The following MIPOL1 variants were observed in gnomAD, a reference collection of about 807,000 sequenced individuals.
MIPOL1 encodes the protein mirror-image polydactyly gene 1 protein.
A neutral mutation model predicts 60.9 loss-of-function variants in MIPOL1; 57 were observed. The ratio of observed to expected loss-of-function variants is 0.94; its 90% CI spans 0.76 to 1.17. MIPOL1 has a LOEUF of 1.17. Among genes scored for constraint, MIPOL1 ranks in the 50% most tolerant of loss-of-function variants. The probability of loss-of-function intolerance (pLI) is 0.00; values close to 1 mark genes in which losing one functional copy is unlikely to be tolerated. For synonymous variants in MIPOL1, 179 were observed against 168.8 expected, an observed-to-expected ratio of 1.06 and a Z score of -0.47; for missense variants, 551 against 511.6, an observed-to-expected ratio of 1.08 and a Z score of -0.74.
At chr14:37,220,493 A>AG (rs1214440375) in intron 1 of MIPOL1, among the ~76,000 whole-genome samples, 2 of 152,166 alleles carry the variant, frequency 1.3e-5, no homozygotes, top group African/African-American at 4.8e-5. Context: ...CCAGCATGGG[A>AG]GTGCAGATAT....
intron 3 of MIPOL1, among the ~76,000 whole-genome samples, chr14:37,253,689 A>G (rs1974465060): frequency 6.6e-6 from 1 of 151,774 alleles, no homozygotes; most frequent in South Asian, 2.1e-4. Flanking sequence ...TGATTGTAAT[A>G]GTATTTTAGG....
chr14:37,382,173 A>G (rs2092942245), intron 10 of MIPOL1, among the ~76,000 whole-genome samples: 1 of 152,054 alleles, frequency 6.6e-6, no homozygotes, highest in Non-Finnish European at 1.5e-5. Context: ...CAGTAACTGA[A>G]TTCTATGTAA....
At chr14:37,395,203 A>G (rs750366866) in intron 10 of MIPOL1, among the ~76,000 whole-genome samples, 4 of 151,884 alleles carry the variant, frequency 2.6e-5, no homozygotes, top group Non-Finnish European at 5.9e-5. Flanking sequence ...AATACTTCCA[A>G]ATTTGTTCTT....
At chr14:37,261,432 A>G (rs994300084) in intron 3 of MIPOL1, among the ~76,000 whole-genome samples, 3 of 152,102 alleles carry the variant, frequency 2.0e-5, no homozygotes, top group African/African-American at 4.8e-5. Flanking sequence ...TAGCTGTGCA[A>G]CTATATGCTG....
intron 12 of MIPOL1, among the ~76,000 whole-genome samples, chr14:37,514,227 A>C (rs2095351374): frequency 6.6e-6 from 1 of 152,080 alleles, no homozygotes; most frequent in African/African-American, 2.4e-5. Context: ...AAAGCTTTCT[A>C]ATTTTTTATC....
chr14:37,374,117 C>T (rs2092711079), intron 10 of MIPOL1, among the ~76,000 whole-genome samples: 1 of 152,150 alleles, frequency 6.6e-6, no homozygotes, highest in Non-Finnish European at 1.5e-5. Flanking sequence ...TTTTGATTTG[C>T]ATCTCTCTAA....
At chr14:37,384,634 A>T (rs2153513819) in intron 10 of MIPOL1, among the ~76,000 whole-genome samples, 1 of 152,046 alleles carries the variant, frequency 6.6e-6, no homozygotes, top group Admixed American at 6.6e-5. Flanking sequence ...CTCTCAAAAT[A>T]ACCTCCAAGA....
intron 9 of MIPOL1, among the ~76,000 whole-genome samples, chr14:37,337,473 G>C (rs1441533015): frequency 7.1e-6 from 1 of 140,892 alleles, no homozygotes; most frequent in Non-Finnish European, 1.5e-5. Context: ...GGTTCTAGTG[G>C]TTCTCCTGCC....
chr14:37,473,502 G>A (rs2094720565), intron 11 of MIPOL1, among the ~76,000 whole-genome samples: 1 of 151,974 alleles, frequency 6.6e-6, no homozygotes, highest in Admixed American at 6.5e-5. Context: ...ACTGAATTTG[G>A]TTAGCCAAAT....
At chr14:37,375,669 A>G (rs2092757038) in intron 10 of MIPOL1, among the ~76,000 whole-genome samples, 1 of 152,210 alleles carries the variant, frequency 6.6e-6, no homozygotes, top group African/African-American at 2.4e-5. Flanking sequence ...AGAATAGCTC[A>G]TTTCAGTCTT....
At position 37,499,891 on chromosome 14, in the gene MIPOL1, T is replaced by C. The variant is rs967287093; in HGVS notation, c.1032-17T>C. On this transcript the variant is annotated splice_polypyrimidine_tract_variant and intron_variant, in intron 11 of 12. Transcript: ENST00000684589. ...TTTACATTACTTATCTTTAAATTTTTTTTAATATTTTCTCAGTTTACACAA... is the reference window on the plus strand; with the variant it reads ...TTTACATTACTTATCTTTAAATTTTCTTTAATATTTTCTCAGTTTACACAA... 1.4e-5 allele frequency: 19 copies of C among 1,398,900 alleles called. No homozygotes were observed. Among genetic ancestry groups the C allele is most frequent in the Admixed American group, 6.1e-5 (3 of 48,896 alleles). 86.7% of individuals were successfully genotyped at this position (1,398,900 alleles called of 1,614,324 possible). A position where few individuals can be genotyped will look rare whatever the true frequency, so the allele number is the denominator to read the frequency against.
intron 11 of MIPOL1, among the ~76,000 whole-genome samples, chr14:37,498,761 C>T (rs1227353304): frequency 6.6e-6 from 1 of 152,136 alleles, no homozygotes; most frequent in Non-Finnish European, 1.5e-5. Flanking sequence ...GGTATGCTGA[C>T]TGTCCTTGTT....
At chr14:37,386,691 G>A (rs1474886) in intron 10 of MIPOL1, among the ~76,000 whole-genome samples, 33,247 of 151,922 alleles carry the variant, frequency 0.22, 4,114 homozygotes, top group South Asian at 0.35. Context: ...TGTTTAGATA[G>A]TTGCTTAGAC....
chr14:37,295,973 C>A (rs933730144), intron 7 of MIPOL1, among the ~76,000 whole-genome samples: 3 of 152,138 alleles, frequency 2.0e-5, no homozygotes, highest in African/African-American at 7.2e-5. Flanking sequence ...ATCTACAGAA[C>A]TCTCCACCCC....
chr14:37,460,448 C>T (rs1344170930), intron 11 of MIPOL1, among the ~76,000 whole-genome samples: 2 of 151,968 alleles, frequency 1.3e-5, no homozygotes, highest in Non-Finnish European at 2.9e-5. Flanking sequence ...CCCCTAAGAA[C>T]CAGAACAAGA....
chr14:37,351,753 G>T, intron 9 of MIPOL1, among the ~76,000 whole-genome samples: 2 of 117,902 alleles, frequency 1.7e-5, no homozygotes, highest in African/African-American at 3.2e-5. Context: ...TTTTGATGGG[G>T]TTGTTTGTTT....
chr14:37,234,901 GAGT>G (rs1355884247), intron 1 of MIPOL1, among the ~76,000 whole-genome samples: 2 of 150,248 alleles, frequency 1.3e-5, no homozygotes, highest in South Asian at 4.2e-4. Context: ...TCAGCCTCCC[GAGT>G]AGCTGGGACT....
At chr14:37,244,313 G>T (rs1656588166) in intron 1 of MIPOL1, among the ~76,000 whole-genome samples, 2 of 151,460 alleles carry the variant, frequency 1.3e-5, no homozygotes, top group South Asian at 4.2e-4. Flanking sequence ...AGTAGAGACG[G>T]GGTTTCACCA....
chr14:37,322,117 A>G (rs1305378021), intron 9 of MIPOL1, among the ~76,000 whole-genome samples: 1 of 152,144 alleles, frequency 6.6e-6, no homozygotes, highest in Admixed American at 6.6e-5. Flanking sequence ...GCAGGCATCA[A>G]TATATTGGCT....
Sources: allele counts gnomAD v4.1 joint callset (sites outside exome capture counted in the v4.1 genomes callset), GRCh38; gene constraint gnomAD v4.1.1; transcripts MANE v1.5; gene names NCBI Gene and HGNC (gene_info 2026-07-23, HGNC 2026-07-21).